The following TRMT44 variants were observed in gnomAD, a reference collection of about 807,000 sequenced individuals.
The protein encoded by TRMT44 is probable tRNA (uracil-O(2)-)-methyltransferase.
A neutral mutation model predicts 77.3 loss-of-function variants in TRMT44; 78 were observed. The observed-to-expected ratio is 1.01, with a 90% CI of 0.84 to 1.22. The LOEUF (loss-of-function observed/expected upper bound fraction) is 1.22, where lower values mean the gene tolerates loss of function less well. TRMT44 is among the 50% of genes most tolerant of loss of function. TRMT44 has a pLI of 0.00. For missense variants in TRMT44, 1,090 were observed against 964.4 expected (o/e 1.13, Z -1.73); for synonymous variants, 391 against 383.3 (o/e 1.02, Z -0.23).
chr4:8,496,892 C>A (rs1728165908), downstream of TRMT44, among the ~76,000 whole-genome samples: 1 of 151,434 alleles, frequency 6.6e-6, no homozygotes, highest in South Asian at 2.1e-4. Context: ...GAAAAGAGCC[C>A]ATAAGAGGCC....
intron 9 of TRMT44, 48 bp downstream of exon 9, chr4:8,468,394 G>C: frequency 6.3e-7 from 1 of 1,584,384 alleles, no homozygotes; most frequent in Non-Finnish European, 8.7e-7. Context: ...TCCCAGGCTT[G>C]AGGGCAGGAA....
intron 1 of TRMT44, among the ~76,000 whole-genome samples, chr4:8,445,444 C>T (rs1205905721): frequency 2.0e-5 from 3 of 152,248 alleles, no homozygotes; most frequent in Admixed American, 6.5e-5. Context: ...TTGATTTCAC[C>T]TTCTACCACT....
Position 8,455,683 on chromosome 4 carries a change from T to A in TRMT44, c.1203+870T>A, listed in dbSNP as rs915127407. On this transcript the variant is annotated intron_variant, in intron 6 of 10. Coordinates refer to ENST00000389737, the MANE Select transcript of TRMT44 (RefSeq NM_152544.3). ...CCTGGCTGCTTCTGCTCATTTAACA[T>A]CCCATTCTAGGCATTTTCTGAAGTC... Among the ~76,000 whole-genome samples, 37 of 152,328 alleles carry A rather than the reference T, an allele frequency of 2.4e-4. 1 individual carries two copies. Among genetic ancestry groups the A allele is most frequent in the African/African-American group, 8.4e-4 (35 of 41,574 alleles).
intron 1 of TRMT44, among the ~76,000 whole-genome samples, chr4:8,443,012 T>C (rs1311427201): frequency 6.6e-6 from 1 of 152,198 alleles, no homozygotes; most frequent in African/African-American, 2.4e-5. Context: ...TCCTGGGTAT[T>C]ACGGCATGGA....
intron 1 of TRMT44, among the ~76,000 whole-genome samples, chr4:8,443,259 G>C (rs961408843): frequency 1.3e-5 from 2 of 152,236 alleles, no homozygotes; most frequent in African/African-American, 4.8e-5. Flanking sequence ...GGATTGGAGA[G>C]GCAGTGCCCG....
At chr4:8,507,181 G>A in the TRMT44 span, 1 of 152,268 alleles carries the variant, frequency 6.6e-6, no homozygotes, top group African/African-American at 2.4e-5. Flanking sequence ...GCTCCGAGCA[G>A]GCACAGGGGG....
At position 8,452,750 on chromosome 4, in the gene TRMT44, A is replaced by G; in HGVS notation, c.1024-132A>G. Reference sequence around the variant, plus strand: ...ACTCCATCTCAAAAAAAGAAAAAAAAAAAAGAATGTTTAGTGTAGATGATT... The same window carrying G: ...ACTCCATCTCAAAAAAAGAAAAAAAGAAAAGAATGTTTAGTGTAGATGATT... On this transcript the variant is annotated intron_variant, in intron 4 of 10. Coordinates refer to ENST00000389737, the MANE Select transcript of TRMT44 (RefSeq NM_152544.3). The surrounding 1 kb of genome is among the most constrained non-coding windows in gnomAD (Gnocchi z 5.7). The G allele has an allele frequency of 1.9e-6, 1 of 534,314 alleles. No homozygotes were observed. The highest frequency in any genetic ancestry group is 3.2e-6 in the Non-Finnish European group (1 of 311,448). 33.1% of individuals were successfully genotyped at this position (534,314 alleles called of 1,614,324 possible).
At chr4:8,489,167 G>T (rs1727915387) in intron 2 of TRMT44, among the ~76,000 whole-genome samples, 1 of 152,240 alleles carries the variant, frequency 6.6e-6, no homozygotes, top group South Asian at 2.1e-4. Context: ...GGCCCCATGT[G>T]CTCACTGTTT....
At chr4:8,514,572 C>T in the TRMT44 span, among the ~76,000 whole-genome samples, 1 of 152,000 alleles carries the variant, frequency 6.6e-6, no homozygotes, top group African/African-American at 2.4e-5. Flanking sequence ...CCACTGCGTG[C>T]ACTACCTTTT....
the TRMT44 span, among the ~76,000 whole-genome samples, chr4:8,508,246 G>A: frequency 0.038 from 5,711 of 152,266 alleles, 345 homozygotes; most frequent in African/African-American, 0.13. Flanking sequence ...TTCTGTGTGG[G>A]GTCCTGAGGC....
At chr4:8,481,200 A>G (rs1257255855), downstream of TRMT44, among the ~76,000 whole-genome samples, 1 of 152,252 alleles carries the variant, frequency 6.6e-6, no homozygotes. Context: ...CCAATTGTCA[A>G]CCAGAAAATG....
At chr4:8,445,357 C>T (rs997124484) in intron 1 of TRMT44, among the ~76,000 whole-genome samples, 1 of 152,216 alleles carries the variant, frequency 6.6e-6, no homozygotes, top group Non-Finnish European at 1.5e-5. Context: ...CCTCTTCTCT[C>T]TGGTCTCACT....
At chr4:8,466,593 T>C (rs1209156869) in intron 8 of TRMT44, among the ~76,000 whole-genome samples, 1 of 152,262 alleles carries the variant, frequency 6.6e-6, no homozygotes, top group Non-Finnish European at 1.5e-5. Context: ...CGTCATCCTC[T>C]GTGTCCTCTG....
At chr4:8,468,605 G>C in intron 9 of TRMT44, 2 of 593,346 alleles carry the variant, frequency 3.4e-6, no homozygotes, top group South Asian at 4.2e-5. Flanking sequence ...AAACATGCAG[G>C]TTTAGGGGCT....
At chr4:8,464,908 T>C (rs1306273567) in intron 7 of TRMT44, among the ~76,000 whole-genome samples, 1 of 152,242 alleles carries the variant, frequency 6.6e-6, no homozygotes, top group African/African-American at 2.4e-5. Context: ...ATCATGTCCT[T>C]TGCAGCAACA....
the TRMT44 span, among the ~76,000 whole-genome samples, chr4:8,500,850 G>A: frequency 2.6e-5 from 4 of 152,142 alleles, no homozygotes; most frequent in South Asian, 2.1e-4. Context: ...TAGTAGAGAC[G>A]GAGGTTTCAC....
At chr4:8,492,019 C>T (rs1003566357) in intron 2 of TRMT44, among the ~76,000 whole-genome samples, 2 of 152,252 alleles carry the variant, frequency 1.3e-5, no homozygotes. Flanking sequence ...CTGTTAAACT[C>T]TTTCTCTACA....
downstream of TRMT44, among the ~76,000 whole-genome samples, chr4:8,480,437 C>T (rs1385507884): frequency 1.3e-5 from 2 of 152,176 alleles, no homozygotes; most frequent in African/African-American, 2.4e-5. Context: ...GCACTCCGGA[C>T]GTGAGCATTC....
At chr4:8,487,105 T>A (rs1180216820) in intron 2 of TRMT44, among the ~76,000 whole-genome samples, 1 of 152,180 alleles carries the variant, frequency 6.6e-6, no homozygotes, top group Admixed American at 6.5e-5. Context: ...TGTTTGCTAT[T>A]TTATGACAAG....
Sources: gnomAD v4.1 joint callset for allele counts (sites outside exome capture counted in the v4.1 genomes callset) on GRCh38, gnomAD v4.1.1 for gene constraint, Gnocchi (gnomAD v3.1) non-coding constraint, MANE v1.5 for transcripts, NCBI Gene and HGNC (gene_info 2026-07-23, HGNC 2026-07-21) for gene names.